ADAMTSL1: variants seen among roughly 807,000 people sequenced by gnomAD.
ADAMTSL1 encodes ADAMTS like 1.
Under a neutral mutation model 201.8 loss-of-function variants are expected in ADAMTSL1, and 126 were observed. The ratio of observed to expected loss-of-function variants is 0.62; its 90% CI spans 0.54 to 0.72. The LOEUF (loss-of-function observed/expected upper bound fraction) is 0.72, where lower values mean the gene tolerates loss of function less well. Ranked by LOEUF, ADAMTSL1 falls within the 30% of genes least tolerant of loss-of-function variation. The pLI is 0.00. For synonymous variants in ADAMTSL1, 1,121 were observed against 903.4 expected, an observed-to-expected ratio of 1.24 and a Z score of -4.32; for missense variants, 2,679 against 2,277.8, an observed-to-expected ratio of 1.18 and a Z score of -3.59.
intron 3 of ADAMTSL1, among the ~76,000 whole-genome samples, chr9:18,567,442 G>C (rs982603187): frequency 2.0e-5 from 3 of 152,150 alleles, no homozygotes; most frequent in Admixed American, 2.0e-4. Flanking sequence ...CTCCAGCCTG[G>C]GTGACAGAGC....
chr9:18,190,925 C>T (rs1828943993), intron 2 of ADAMTSL1, among the ~76,000 whole-genome samples: 1 of 152,286 alleles, frequency 6.6e-6, no homozygotes, highest in South Asian at 2.1e-4. Context: ...GCACATGAAC[C>T]TACTTGTTTT....
intron 2 of ADAMTSL1, among the ~76,000 whole-genome samples, chr9:18,506,426 A>G (rs2131941956): frequency 6.6e-6 from 1 of 152,348 alleles, no homozygotes; most frequent in African/African-American, 2.4e-5. Context: ...GTCTCACAAA[A>G]CTGATAAGAA....
intron 19 of ADAMTSL1, among the ~76,000 whole-genome samples, chr9:18,794,959 C>T (rs1269049558): frequency 2.0e-5 from 3 of 152,198 alleles, no homozygotes; most frequent in Non-Finnish European, 4.4e-5. Context: ...CTGTCTTGAT[C>T]TCTGGAAGCC....
In ADAMTSL1 at chr9:18,718,312, T is replaced by G. The variant is rs1833094845; in HGVS notation, c.1877-3224T>G. The G allele has an allele frequency of 4.4e-5, 33 of 745,408 alleles. No homozygotes were observed. In the South Asian group the frequency reaches 4.5e-4, roughly 10 times the overall value. The allele number at this position is 745,408 out of a possible 1,614,324, so 46.2% of individuals were successfully genotyped here. ...ACTAATGCAAAGCCTTGTCCATTTC[T>G]CATGTACAAATCCCTCCTTGCTATA... On this transcript the variant is annotated intron_variant, in intron 14 of 28. Coordinates refer to ENST00000380548, the MANE Select transcript of ADAMTSL1 (RefSeq NM_001040272.6).
At chr9:18,379,051 C>CT (rs1837433000) in intron 2 of ADAMTSL1, among the ~76,000 whole-genome samples, 2 of 152,114 alleles carry the variant, frequency 1.3e-5, no homozygotes, top group African/African-American at 4.8e-5. Context: ...GGAGCCTCTA[C>CT]TTTTTTCTGT....
intron 1 of ADAMTSL1, among the ~76,000 whole-genome samples, chr9:18,000,903 C>G (rs1016717771): frequency 2.0e-5 from 3 of 152,012 alleles, no homozygotes; most frequent in African/African-American, 7.2e-5. Context: ...TCACATTTTT[C>G]AAAACTTCAG....
intron 2 of ADAMTSL1, among the ~76,000 whole-genome samples, chr9:18,224,930 AT>A (rs897001606): frequency 1.3e-5 from 2 of 151,646 alleles, no homozygotes; most frequent in African/African-American, 4.8e-5. Context: ...ATTTTTTCCC[AT>A]TTTTTTCCAT....
chr9:18,490,393 T>C (rs1169669384), intron 1 of ADAMTSL1, among the ~76,000 whole-genome samples: 2 of 151,662 alleles, frequency 1.3e-5, no homozygotes, highest in Non-Finnish European at 2.9e-5. Context: ...GAAAGGGGAA[T>C]TGTTGTATAG....
intron 2 of ADAMTSL1, among the ~76,000 whole-genome samples, chr9:18,355,632 AG>A (rs1358410365): frequency 6.6e-6 from 1 of 152,236 alleles, no homozygotes; most frequent in Admixed American, 6.5e-5. Context: ...GAATGTTAAA[AG>A]GGTTGTTTAG....
intron 2 of ADAMTSL1, among the ~76,000 whole-genome samples, chr9:18,231,744 G>T (rs1156571141): frequency 1.3e-5 from 2 of 152,174 alleles, no homozygotes; most frequent in African/African-American, 2.4e-5. Flanking sequence ...ATAAACTCTG[G>T]ATCTTCTCCC....
intron 1 of ADAMTSL1, among the ~76,000 whole-genome samples, chr9:18,062,049 G>A (rs970988948): frequency 1.4e-4 from 21 of 152,206 alleles, no homozygotes; most frequent in African/African-American, 5.1e-4. Context: ...TCAGCCATCT[G>A]ATTCACTGGT....
At chr9:18,557,547 ATTG>A (rs1564045054) in intron 3 of ADAMTSL1, among the ~76,000 whole-genome samples, 1 of 152,058 alleles carries the variant, frequency 6.6e-6, no homozygotes, top group East Asian at 1.9e-4. Flanking sequence ...GTAAAGGAGC[ATTG>A]ATTAGATATA....
In ADAMTSL1 at chr9:18,085,730, A is replaced by C. The variant is rs546289804; in HGVS notation, c.88-78132A>C. ...TATACTGTGTGTGTATATATATAGCAGGTTATATATATACGTGTATACATA... is the reference window on the plus strand; with the variant it reads ...TATACTGTGTGTGTATATATATAGCCGGTTATATATATACGTGTATACATA... On this transcript the variant is annotated intron_variant, in intron 1 of 29. Coordinates refer to the ADAMTSL1 transcript ENST00000680146. Among the ~76,000 whole-genome samples the C allele has an allele frequency of 1.5e-3, 225 of 150,756 alleles. 1 individual carries two copies. The highest frequency in any genetic ancestry group is 5.2e-3 in the African/African-American group (213 of 41,010).
intron 2 of ADAMTSL1, among the ~76,000 whole-genome samples, chr9:18,209,606 A>G (rs1406648786): frequency 6.6e-6 from 1 of 152,188 alleles, no homozygotes; most frequent in Admixed American, 6.5e-5. Flanking sequence ...TAATTATCAT[A>G]GCTTTTCTAA....
At chr9:18,728,782 T>C (rs532739985) in intron 15 of ADAMTSL1, among the ~76,000 whole-genome samples, 9 of 152,176 alleles carry the variant, frequency 5.9e-5, no homozygotes, top group East Asian at 1.9e-4. Flanking sequence ...TGGAAGCCAG[T>C]GTTAGAGAGT....
At chr9:17,909,928 A>C (rs1250923983) in intron 1 of ADAMTSL1, among the ~76,000 whole-genome samples, 1 of 66,510 alleles carries the variant, frequency 1.5e-5, no homozygotes, top group African/African-American at 3.0e-5. Context: ...ACATGTATAC[A>C]TATGTAACTA....
At chr9:18,484,504 A>C (rs1821888773) in intron 1 of ADAMTSL1, among the ~76,000 whole-genome samples, 1 of 152,180 alleles carries the variant, frequency 6.6e-6, no homozygotes, top group African/African-American at 2.4e-5. Context: ...ACTGAAACCT[A>C]AGCTTAATGG....
chr9:18,733,732 G>C (rs1439826979), intron 15 of ADAMTSL1, among the ~76,000 whole-genome samples: 3 of 144,270 alleles, frequency 2.1e-5, no homozygotes, highest in East Asian at 2.1e-4. Context: ...CCTTTTCTGT[G>C]CTACTCTCTT....
At chr9:17,935,643 G>C (rs980570011) in intron 1 of ADAMTSL1, among the ~76,000 whole-genome samples, 2 of 152,118 alleles carry the variant, frequency 1.3e-5, no homozygotes, top group Non-Finnish European at 2.9e-5. Context: ...GGTCAAAAAC[G>C]TAGTTGTTCT....
Sources: gnomAD v4.1 joint callset for allele counts (sites outside exome capture counted in the v4.1 genomes callset) on GRCh38, gnomAD v4.1.1 for gene constraint, MANE v1.5 for transcripts, NCBI Gene and HGNC (gene_info 2026-07-23, HGNC 2026-07-21) for gene names.